Variants in BRCA1 observed in about 807,000 individuals in gnomAD.
BRCA1 encodes the protein BRCA1 DNA repair associated.
BRCA1 carries 140 observed loss-of-function variants against 173.7 expected under a neutral mutation model. That is an observed-to-expected ratio of 0.81 (90% CI 0.70 to 0.93). BRCA1 has a LOEUF of 0.93. Ranked by LOEUF, BRCA1 falls within the 40% of genes least tolerant of loss-of-function variation. The pLI, the probability that BRCA1 is intolerant of heterozygous loss-of-function variation, is 0.00. For synonymous variants in BRCA1, 662 were observed against 756.0 expected, an observed-to-expected ratio of 0.88 and a Z score of 2.04; for missense variants, 1,983 against 2,172.5, an observed-to-expected ratio of 0.91 and a Z score of 1.73.
At chr17:43,165,323 A>C (rs551072647) in intron 1 of BRCA1, among the ~76,000 whole-genome samples, 26 of 152,348 alleles carry the variant, frequency 1.7e-4, no homozygotes, top group South Asian at 4.1e-4. Context: ...GTTTACACAC[A>C]GAATTTTCTT....
At chr17:43,124,302 C>A (rs2154578510) in intron 1 of BRCA1, among the ~76,000 whole-genome samples, 187 bp from the exon 2 acceptor site, 1 of 152,296 alleles carries the variant, frequency 6.6e-6, no homozygotes, top group Admixed American at 6.5e-5. Flanking sequence ...TGTAATTAGA[C>A]AACATAAATT....
At chr17:43,156,170 G>T (rs557469153) in intron 1 of BRCA1, among the ~76,000 whole-genome samples, 1 of 152,130 alleles carries the variant, frequency 6.6e-6, no homozygotes, top group South Asian at 2.1e-4. Flanking sequence ...CCGGGAGGCG[G>T]AAGTTGCAGT....
rs431825399 is a variant in BRCA1, at chr17:43,091,757, C to T, written c.3774G>A (p.Glu1258=). ...ATECLSKNTE[E]NLLSLKNSLN... is the part of the protein sequence containing the mutation. Reference sequence around the variant, plus strand: ...AGCTATTCTTCAATGATAATAAATTCTCCTCTGTGTTCTTAGACAGACACT... The same window carrying T: ...AGCTATTCTTCAATGATAATAAATTTTCCTCTGTGTTCTTAGACAGACACT... The change falls in exon 10 of 23, where the codon GAG becomes GAA. Residue 1258 remains glutamate, a synonymous_variant. Coordinates refer to ENST00000357654, the MANE Select transcript of BRCA1 (RefSeq NM_007294.4). 5.0e-6 allele frequency: 8 copies of T among 1,614,070 alleles called. No individual in the cohort carries two copies. Among genetic ancestry groups the T allele is most frequent in the African/African-American group, 1.3e-5 (1 of 74,914 alleles).
intron 1 of BRCA1, among the ~76,000 whole-genome samples, chr17:43,136,006 AGGCTTCGCC>A (rs1174120099): frequency 6.6e-6 from 1 of 152,154 alleles, no homozygotes; most frequent in Non-Finnish European, 1.5e-5. Context: ...GGCTTAATAC[AGGCTTCGCC>A]GGGCGCAGGG....
intron 1 of BRCA1, among the ~76,000 whole-genome samples, chr17:43,155,413 T>C (rs1347434457): frequency 2.6e-5 from 4 of 152,204 alleles, no homozygotes; most frequent in African/African-American, 9.6e-5. Context: ...TTAATTTTTA[T>C]AGAGACAGGA....
Position 43,094,330 on chromosome 17 carries a change from C to T in BRCA1, c.1201G>A (p.Gly401Arg), listed in dbSNP as rs1555592242. ...ACTTTGGCATTTGATTCAGACTCCC[C>T]ATCATGTGAGTCATCAGAACCTAAC... Reference protein sequence around the residue: ...ELLGSDDSHDGESESNAKVAD... With the variant: ...ELLGSDDSHDRESESNAKVAD... The change falls in exon 10 of 23, where the codon GGG becomes AGG. Residue 401 changes from glycine (G) to arginine (R), a missense_variant. Gly to Arg is a moderately radical substitution (Grantham distance 125). Coordinates refer to ENST00000357654, the MANE Select transcript of BRCA1 (RefSeq NM_007294.4). 2 of 1,614,110 alleles carry T rather than the reference C, an allele frequency of 1.2e-6. No homozygotes were observed. The highest frequency in any genetic ancestry group is 1.7e-6 in the Non-Finnish European group (2 of 1,179,992).
At chr17:43,075,244 C>A (rs2052658913) in intron 13 of BRCA1, among the ~76,000 whole-genome samples, 1 of 152,038 alleles carries the variant, frequency 6.6e-6, no homozygotes, top group Non-Finnish European at 1.5e-5. Flanking sequence ...ATGTCGACAT[C>A]TCTACACTCA....
At chr17:43,108,954 T>C (rs1016610517) in intron 3 of BRCA1, among the ~76,000 whole-genome samples, 8 of 151,524 alleles carry the variant, frequency 5.3e-5, no homozygotes, top group African/African-American at 7.3e-5. Context: ...GATCGCGCCA[T>C]TGCACTCCAG....
chr17:43,093,149 T>C lies in BRCA1; in HGVS notation c.2382A>G (p.Ala794=), dbSNP rs2053770720. Reference sequence around the variant, plus strand: ...TCACACATTTATTTGGTTCTGTTTTTGCCTTCCCTAGAGTGCTAACTTCCA... The same window carrying C: ...TCACACATTTATTTGGTTCTGTTTTCGCCTTCCCTAGAGTGCTAACTTCCA... ...SLLEVSTLGK[A]KTEPNKCVSQ... is the part of the protein sequence containing the mutation. The change falls in exon 10 of 23, where the codon GCA becomes GCG. Residue 794 remains alanine (A), a synonymous_variant. Transcript: ENST00000357654. 6.2e-7 allele frequency: 1 copy of C among 1,613,598 alleles called. No individual in the cohort carries two copies. The highest frequency in any genetic ancestry group is 8.5e-7 in the Non-Finnish European group (1 of 1,179,884).
At chr17:43,045,922 A>ATTT (rs375078966) in intron 22 of BRCA1, 120 bp from the exon 23 acceptor site, 1,066 of 950,868 alleles carry the variant, frequency 1.1e-3, no homozygotes, top group Non-Finnish European at 1.4e-3. Context: ...GTAGAAGCTA[A>ATTT]TTTTTTTTTT....
intron 19 of BRCA1, among the ~76,000 whole-genome samples, chr17:43,052,280 T>G (rs2051273535): frequency 6.6e-6 from 1 of 152,138 alleles, no homozygotes; most frequent in Admixed American, 6.6e-5. Flanking sequence ...ATATTTTAAT[T>G]TTTTTCTTTT....
intron 14 of BRCA1, among the ~76,000 whole-genome samples, chr17:43,072,841 G>T (rs2052514397): frequency 6.6e-6 from 1 of 151,430 alleles, no homozygotes; most frequent in Non-Finnish European, 1.5e-5. Context: ...TGGGATTACA[G>T]GCGTAAGCCA....
At chr17:43,114,398 T>C (rs1459795644) in intron 3 of BRCA1, among the ~76,000 whole-genome samples, 1 of 151,562 alleles carries the variant, frequency 6.6e-6, no homozygotes, top group Admixed American at 6.6e-5. Flanking sequence ...GACTTTTTTT[T>C]TTTTTTTTGA....
chr17:43,091,166 G>A (rs748297724), intron 10 of BRCA1, 134 bp from the exon 11 acceptor site: 4 of 993,788 alleles, frequency 4.0e-6, no homozygotes, highest in Non-Finnish European at 6.1e-6. Context: ...CCTTGCTTTG[G>A]GACACCTGGA....
intron 1 of BRCA1, among the ~76,000 whole-genome samples, chr17:43,137,436 A>G (rs1320089904): frequency 1.3e-5 from 2 of 151,482 alleles, no homozygotes; most frequent in African/African-American, 2.4e-5. Context: ...TAATAATTAA[A>G]AAAAAAAAAA....
intron 3 of BRCA1, among the ~76,000 whole-genome samples, chr17:43,111,505 G>A (rs1238326723): frequency 6.6e-6 from 1 of 151,988 alleles, no homozygotes; most frequent in East Asian, 1.9e-4. Context: ...GGGCAACACA[G>A]TGAGACTCCG....
intron 3 of BRCA1, among the ~76,000 whole-genome samples, chr17:43,114,333 T>C (rs1249049095): frequency 4.0e-5 from 6 of 151,824 alleles, no homozygotes; most frequent in Admixed American, 6.6e-5. Flanking sequence ...TCCAGATAAA[T>C]TGAAAGCCCC....
At chr17:43,139,447 C>T (rs2056057789) in intron 1 of BRCA1, among the ~76,000 whole-genome samples, 1 of 151,912 alleles carries the variant, frequency 6.6e-6, no homozygotes, top group Non-Finnish European at 1.5e-5. Flanking sequence ...ACTTCCGCCT[C>T]CCAGGTTTAC....
chr17:43,088,230 T>C (rs1313614307), intron 11 of BRCA1, among the ~76,000 whole-genome samples: 1 of 152,202 alleles, frequency 6.6e-6, no homozygotes, highest in African/African-American at 2.4e-5. Context: ...CACTGTTGTG[T>C]TACCATTGCC....
Sources: allele counts gnomAD v4.1 joint callset (sites outside exome capture counted in the v4.1 genomes callset), GRCh38; gene constraint gnomAD v4.1.1; transcripts MANE v1.5; gene names NCBI Gene and HGNC (gene_info 2026-07-23, HGNC 2026-07-21).